Variants in RBFOX1 observed in about 807,000 individuals in gnomAD.
RBFOX1 encodes RNA binding protein fox-1 homolog 1.
In RBFOX1, 8 loss-of-function variants were observed where a neutral mutation model predicts 57.7. The ratio of observed to expected loss-of-function variants is 0.14; its 90% CI spans 0.08 to 0.25. RBFOX1 has a LOEUF of 0.25. Ranked by LOEUF, RBFOX1 falls within the 10% of genes least tolerant of loss-of-function variation. RBFOX1 has a pLI of 1.00. For synonymous variants in RBFOX1, 326 were observed against 222.4 expected (o/e 1.47, Z -4.15); for missense variants, 611 against 548.5 (o/e 1.11, Z -1.14).
intron 3 of RBFOX1, among the ~76,000 whole-genome samples, chr16:5,655,207 T>C (rs183638826): frequency 6.6e-6 from 1 of 152,320 alleles, no homozygotes; most frequent in Non-Finnish European, 1.5e-5. Flanking sequence ...ATATGCAGAA[T>C]CTACTGTGGA....
chr16:7,207,280 C>T lies in RBFOX1; in HGVS notation c.27+155182C>T, dbSNP rs1241115950. On this transcript the variant is annotated intron_variant, in intron 4 of 15. Coordinates refer to ENST00000550418, the MANE Select transcript of RBFOX1 (RefSeq NM_018723.4). ...TTCCTCTGGTCACGTTCCGGCCCTT[C>T]ATTCTGCTAGCTTCAGGTTGGTGAG... is the stretch of plus-strand genomic sequence containing the variant. 2.6e-5 allele frequency among the ~76,000 whole-genome samples: 4 copies of T among 152,278 alleles called. No homozygotes were observed. In the East Asian group the frequency reaches 7.7e-4, roughly 29 times the overall value.
chr16:5,445,621 G>T (rs921684931), intron 1 of RBFOX1, among the ~76,000 whole-genome samples: 3 of 152,200 alleles, frequency 2.0e-5, no homozygotes, highest in Admixed American at 6.5e-5. Flanking sequence ...CATGAGCTAC[G>T]CTATACTCAT....
intron 4 of RBFOX1, among the ~76,000 whole-genome samples, chr16:5,868,539 G>A (rs1010321276): frequency 2.6e-5 from 4 of 152,178 alleles, no homozygotes; most frequent in African/African-American, 9.7e-5. Flanking sequence ...AACACCTAAG[G>A]GGAGATCATT....
At chr16:6,579,474 G>C (rs1016917946) in intron 2 of RBFOX1, among the ~76,000 whole-genome samples, 4 of 152,168 alleles carry the variant, frequency 2.6e-5, no homozygotes, top group Non-Finnish European at 4.4e-5. Flanking sequence ...TGAATCATGG[G>C]AATGGTTACT....
intron 4 of RBFOX1, among the ~76,000 whole-genome samples, chr16:7,465,828 A>T (rs1435949614): frequency 2.0e-5 from 3 of 152,200 alleles, no homozygotes; most frequent in Non-Finnish European, 4.4e-5. Context: ...TCTACACCGA[A>T]GTGCTGGAAT....
chr16:6,781,237 A>T (rs544430348), intron 3 of RBFOX1, among the ~76,000 whole-genome samples: 51 of 152,152 alleles, frequency 3.4e-4, no homozygotes, highest in Middle Eastern at 3.4e-3. Flanking sequence ...ACATTTATTG[A>T]TTTGTCTTTG....
chr16:5,965,977 A>C (rs1169962808), intron 4 of RBFOX1, among the ~76,000 whole-genome samples: 1 of 152,178 alleles, frequency 6.6e-6, no homozygotes, highest in Non-Finnish European at 1.5e-5. Flanking sequence ...TCGGCCAAGG[A>C]GCTGGCATTC....
At chr16:6,441,574 G>A (rs1182794678) in intron 2 of RBFOX1, among the ~76,000 whole-genome samples, 3 of 152,032 alleles carry the variant, frequency 2.0e-5, no homozygotes, top group Non-Finnish European at 4.4e-5. Context: ...GTGCCACCGT[G>A]CCCAGCTAAT....
At chr16:5,359,726 T>G (rs1370471922) in intron 1 of RBFOX1, among the ~76,000 whole-genome samples, 3 of 152,164 alleles carry the variant, frequency 2.0e-5, no homozygotes, top group African/African-American at 2.4e-5. Context: ...GTGCAGAAGC[T>G]TTTTAACTTG....
At chr16:7,039,739 C>A (rs774483902) in intron 3 of RBFOX1, among the ~76,000 whole-genome samples, 7 of 152,152 alleles carry the variant, frequency 4.6e-5, no homozygotes, top group Admixed American at 3.9e-4. Context: ...ATGATTACAA[C>A]CATACGTCGG....
chr16:7,108,666 G>T (rs929857676), intron 4 of RBFOX1, among the ~76,000 whole-genome samples: 3 of 152,104 alleles, frequency 2.0e-5, no homozygotes, highest in South Asian at 2.1e-4. Flanking sequence ...TTAAAGCAAT[G>T]CAACAATTTT....
intron 4 of RBFOX1, among the ~76,000 whole-genome samples, chr16:7,500,748 C>T (rs977313230): frequency 1.3e-5 from 2 of 152,198 alleles, no homozygotes; most frequent in South Asian, 2.1e-4. Context: ...TGTTTAAATG[C>T]TCCCAATAAC....
chr16:6,488,785 C>T lies in RBFOX1; in HGVS notation c.-63-165818C>T, dbSNP rs546752176. Among the ~76,000 whole-genome samples the T allele has an allele frequency of 1.7e-3, 253 of 152,144 alleles. 1 individual carries two copies. Among genetic ancestry groups the T allele is most frequent in the Non-Finnish European group, 1.7e-3 (116 of 67,998 alleles). On this transcript the variant is annotated intron_variant, in intron 2 of 15. Coordinates refer to ENST00000550418, the MANE Select transcript of RBFOX1 (RefSeq NM_018723.4). ...TTTGAAGACAGTTTTTGTGTCTTTG[C>T]GAGAGGATGACTCCCTCCTGCAAAA...
At chr16:7,176,492 G>A (rs72765569) in intron 4 of RBFOX1, among the ~76,000 whole-genome samples, 37 of 152,042 alleles carry the variant, frequency 2.4e-4, no homozygotes, top group South Asian at 2.1e-4. Flanking sequence ...TATACCTCTC[G>A]GGAAAAATCC....
At chr16:5,998,145 C>T (rs915410217) in intron 4 of RBFOX1, among the ~76,000 whole-genome samples, 4 of 152,148 alleles carry the variant, frequency 2.6e-5, no homozygotes, top group African/African-American at 7.2e-5. Context: ...CCTACCAAGT[C>T]CCTGTACGAA....
At chr16:7,098,887 C>G (rs949020313) in intron 4 of RBFOX1, among the ~76,000 whole-genome samples, 2 of 152,042 alleles carry the variant, frequency 1.3e-5, no homozygotes, top group Non-Finnish European at 2.9e-5. Context: ...TGCAGTAACC[C>G]TCAGTTTCTT....
At chr16:5,410,126 G>A (rs997325472) in intron 1 of RBFOX1, among the ~76,000 whole-genome samples, 2 of 151,472 alleles carry the variant, frequency 1.3e-5, no homozygotes, top group Non-Finnish European at 2.9e-5. Context: ...CGCTTTGGGA[G>A]AGCAATGTGG....
At chr16:5,545,345 G>C (rs2045149418) in intron 2 of RBFOX1, among the ~76,000 whole-genome samples, 1 of 152,044 alleles carries the variant, frequency 6.6e-6, no homozygotes, top group African/African-American at 2.4e-5. Flanking sequence ...GGAAATTGAA[G>C]AGGAAAGATT....
At chr16:5,549,297 G>A (rs1256124251) in intron 2 of RBFOX1, among the ~76,000 whole-genome samples, 2 of 152,220 alleles carry the variant, frequency 1.3e-5, no homozygotes, top group East Asian at 3.8e-4. Flanking sequence ...CTCTGAGCTT[G>A]ACTGTTCTTG....
Sources: gnomAD v4.1 joint callset for allele counts (sites outside exome capture counted in the v4.1 genomes callset) on GRCh38, gnomAD v4.1.1 for gene constraint, MANE v1.5 for transcripts, NCBI Gene and HGNC (gene_info 2026-07-23, HGNC 2026-07-21) for gene names.